AFAP1: variants seen among roughly 807,000 people sequenced by gnomAD.
AFAP1 encodes actin filament associated protein 1.
Under a neutral mutation model 93.9 loss-of-function variants are expected in AFAP1, and 75 were observed. The observed-to-expected ratio is 0.80, with a 90% confidence interval of 0.66 to 0.97. The LOEUF is 0.97. Among genes scored for constraint, AFAP1 ranks in the 50% least tolerant of loss-of-function variants. AFAP1 has a pLI of 0.00. For synonymous variants in AFAP1, 517 were observed against 430.7 expected, an observed-to-expected ratio of 1.20 and a Z score of -2.48; for missense variants, 1,201 against 1,050.8, an observed-to-expected ratio of 1.14 and a Z score of -1.98.
chr4:7,883,205 AAAG>A (rs1265556164), intron 1 of AFAP1, among the ~76,000 whole-genome samples: 4 of 151,338 alleles, frequency 2.6e-5, no homozygotes, highest in East Asian at 1.9e-4. Context: ...AAAAAAAAAA[AAAG>A]AGGAGGAGGA....
intron 6 of AFAP1, among the ~76,000 whole-genome samples, chr4:7,829,371 G>A (rs1415992884): frequency 6.6e-6 from 1 of 152,116 alleles, no homozygotes; most frequent in African/African-American, 2.4e-5. Flanking sequence ...TACCCTAACT[G>A]CCTATCTGAC....
At chr4:7,783,121 C>A (rs1368724261) in intron 12 of AFAP1, among the ~76,000 whole-genome samples, 1 of 152,114 alleles carries the variant, frequency 6.6e-6, no homozygotes, top group African/African-American at 2.4e-5. Context: ...TGCCACGATG[C>A]CAGATATTAG....
chr4:7,792,312 C>A (rs1055052562), intron 11 of AFAP1, among the ~76,000 whole-genome samples: 1 of 152,124 alleles, frequency 6.6e-6, no homozygotes, highest in Non-Finnish European at 1.5e-5. Context: ...TTCTGCCGAT[C>A]TTTCAAATGT....
chr4:7,765,298 C>T (rs1378210598), intron 17 of AFAP1, among the ~76,000 whole-genome samples: 3 of 152,184 alleles, frequency 2.0e-5, no homozygotes, highest in African/African-American at 4.8e-5. Context: ...CTGTTCTCCA[C>T]CTGATGTCAC....
intron 5 of AFAP1, among the ~76,000 whole-genome samples, chr4:7,841,059 G>A (rs1350046216): frequency 6.6e-6 from 1 of 152,214 alleles, no homozygotes; most frequent in Non-Finnish European, 1.5e-5. Flanking sequence ...CAGCAATAGG[G>A]ACAGGCTGCA....
At chr4:7,913,551 C>T (rs1333557147) in intron 1 of AFAP1, among the ~76,000 whole-genome samples, 1 of 152,062 alleles carries the variant, frequency 6.6e-6, no homozygotes, top group Non-Finnish European at 1.5e-5. Flanking sequence ...ATTCTGATTC[C>T]TACCTAAGAT....
chr4:7,855,572 A>C lies in AFAP1; in HGVS notation c.228T>G (p.Pro76=). The part of the protein sequence containing the change: ...PLPEIPQPWL[P]PDSGPPPLPT... ...GCAATGGTGGAGGCCCACTGTCAGG[A>C]GGCTGAGGAAGAAAGGAAAAGTGAC... The change falls in exon 4 of 18, where the codon CCT becomes CCG. Residue 76 remains proline, a splice_region_variant and synonymous_variant. Transcript: ENST00000420658. 1.2e-6 allele frequency: 2 copies of C among 1,608,890 alleles called. No homozygotes were observed. Among genetic ancestry groups the C allele is most frequent in the Non-Finnish European group, 1.7e-6 (2 of 1,175,348 alleles).
chr4:7,809,438 A>G lies in AFAP1; in HGVS notation c.1054+176T>C, dbSNP rs534379101. ...AAAAGGCCTGCAAAGTCTTGTATGA[A>G]TAAGAGGCAAAAATGTAAACATTTA... is the stretch of plus-strand genomic sequence containing the variant. On this transcript the variant is annotated intron_variant, in intron 9 of 17. Transcript: ENST00000420658. 4.1e-5 allele frequency: 29 copies of G among 704,260 alleles called. No homozygotes were observed. The East Asian group carries it at 6.9e-4, about 17-fold the overall frequency. 43.6% of individuals were successfully genotyped at this position (704,260 alleles called of 1,614,324 possible).
rs752684366 is a variant in AFAP1, at chr4:7,847,798, T to TGG, written c.335-4450_335-4449dup. 1.2e-4 allele frequency among the ~76,000 whole-genome samples: 17 copies of TGG among 142,724 alleles called. 2 individuals are homozygous for TGG. Among genetic ancestry groups the TGG allele is most frequent in the African/African-American group, 4.8e-4 (17 of 35,508 alleles). The allele number at this position is 142,724 out of a possible 152,430, so 93.6% of individuals were successfully genotyped here. A position where few individuals can be genotyped will look rare whatever the true frequency, so the allele number is the denominator to read the frequency against. On this transcript the variant is annotated intron_variant, in intron 4 of 17. Coordinates refer to ENST00000420658, the MANE Select transcript of AFAP1 (RefSeq NM_001134647.2). Reference sequence around the variant, plus strand: ...GGTTCTATTTCAGGGGTACTCGGGGTGGGGCATTGATTAGATACCATCAGG... The same window carrying TGG: ...GGTTCTATTTCAGGGGTACTCGGGGTGGGGGGCATTGATTAGATACCATCAGG...
chr4:7,872,780 T>C (rs1717157889), intron 1 of AFAP1, among the ~76,000 whole-genome samples: 1 of 152,098 alleles, frequency 6.6e-6, no homozygotes, highest in Non-Finnish European at 1.5e-5. Context: ...ATTTTCAGAA[T>C]GCTAAGACAT....
intron 9 of AFAP1, among the ~76,000 whole-genome samples, chr4:7,802,498 G>C (rs77593302): frequency 0.018 from 2,795 of 152,338 alleles, 28 homozygotes; most frequent in Non-Finnish European, 0.029. Context: ...AGACCACACA[G>C]CAAAGCAAGA....
chr4:7,853,609 G>C (rs1031265147), intron 4 of AFAP1, among the ~76,000 whole-genome samples: 9 of 152,100 alleles, frequency 5.9e-5, no homozygotes, highest in Non-Finnish European at 8.8e-5. Flanking sequence ...TCTCACAACT[G>C]CACACGCCCT....
chr4:7,767,325 C>A (rs139541542), intron 17 of AFAP1, among the ~76,000 whole-genome samples: 1 of 152,166 alleles, frequency 6.6e-6, no homozygotes, highest in East Asian at 1.9e-4. Context: ...GAAGCACACA[C>A]GGTGATGGGA....
chr4:7,765,938 C>T (rs187072805), intron 17 of AFAP1, among the ~76,000 whole-genome samples: 125 of 152,334 alleles, frequency 8.2e-4, no homozygotes, highest in Admixed American at 1.7e-3. Flanking sequence ...TCTCTGCGCC[C>T]GCCCAGTGAC....
intron 1 of AFAP1, among the ~76,000 whole-genome samples, chr4:7,894,444 T>G (rs1718648079): frequency 6.6e-6 from 1 of 152,094 alleles, no homozygotes; most frequent in Non-Finnish European, 1.5e-5. Flanking sequence ...GAAGAAGCAT[T>G]TAGCACAGAG....
At chr4:7,909,940 G>A (rs1374528309) in intron 1 of AFAP1, among the ~76,000 whole-genome samples, 1 of 152,118 alleles carries the variant, frequency 6.6e-6, no homozygotes, top group Non-Finnish European at 1.5e-5. Flanking sequence ...TAAGCACTAC[G>A]AATCGGGCTA....
intron 8 of AFAP1, among the ~76,000 whole-genome samples, chr4:7,815,271 T>C (rs976267596): frequency 2.0e-5 from 3 of 151,042 alleles, no homozygotes; most frequent in Non-Finnish European, 4.4e-5. Context: ...GGGGAGTCAG[T>C]GTTTAAAAGG....
intron 16 of AFAP1, among the ~76,000 whole-genome samples, chr4:7,770,170 G>A (rs1038839111): frequency 3.3e-5 from 5 of 152,230 alleles, no homozygotes; most frequent in Admixed American, 1.3e-4. Flanking sequence ...TGGGAGCGGG[G>A]AAGCAGAGGC....
chr4:7,817,635 T>TG (rs11378620), intron 7 of AFAP1, among the ~76,000 whole-genome samples: 58,640 of 150,988 alleles, frequency 0.39, 11,958 homozygotes, highest in African/African-American at 0.48. Context: ...AAACAACTAA[T>TG]GGGGGGGGCA....
Sources: gnomAD v4.1 joint callset for allele counts (sites outside exome capture counted in the v4.1 genomes callset) on GRCh38, gnomAD v4.1.1 for gene constraint, MANE v1.5 for transcripts, NCBI Gene and HGNC (gene_info 2026-07-23, HGNC 2026-07-21) for gene names.